KPNA1: variants seen among roughly 807,000 people sequenced by gnomAD.
The protein encoded by KPNA1 is importin subunit alpha-5.
A neutral mutation model predicts 70.5 loss-of-function variants in KPNA1; 10 were observed. That is an observed-to-expected ratio of 0.14 (90% CI 0.09 to 0.24). KPNA1 has a LOEUF of 0.24. Among genes scored for constraint, KPNA1 ranks in the 10% least tolerant of loss-of-function variants. KPNA1 has a pLI of 1.00. For synonymous variants in KPNA1, 192 were observed against 221.9 expected, an observed-to-expected ratio of 0.87 and a Z score of 1.20; for missense variants, 397 against 637.9, an observed-to-expected ratio of 0.62 and a Z score of 4.07.
chr3:122,490,459 C>T (rs929068037), intron 2 of KPNA1, among the ~76,000 whole-genome samples: 2 of 152,178 alleles, frequency 1.3e-5, no homozygotes, highest in African/African-American at 4.8e-5. Flanking sequence ...AAGGTAAATC[C>T]TGGTCCTAAT....
chr3:122,444,382 G>A (rs4677953), intron 9 of KPNA1, among the ~76,000 whole-genome samples: 24 of 152,316 alleles, frequency 1.6e-4, no homozygotes, highest in Admixed American at 2.6e-4. Flanking sequence ...AGGATTAAGA[G>A]ATTAAAGACA....
At chr3:122,497,285 T>A (rs538867973) in intron 1 of KPNA1, among the ~76,000 whole-genome samples, 6 of 152,344 alleles carry the variant, frequency 3.9e-5, no homozygotes, top group Admixed American at 3.3e-4. Flanking sequence ...TATGGCTGAA[T>A]AATATTCCAT....
intron 2 of KPNA1, among the ~76,000 whole-genome samples, chr3:122,491,039 T>C (rs917731045): frequency 2.0e-5 from 3 of 152,244 alleles, no homozygotes; most frequent in Admixed American, 2.0e-4. Context: ...AGGAAATTAG[T>C]CAAATTACCA....
Position 122,452,033 on chromosome 3 carries a change from T to C in KPNA1, c.596A>G (p.Asp199Gly). 1 of 1,612,536 alleles carries C rather than the reference T, an allele frequency of 6.2e-7. No individual in the cohort carries two copies. Among genetic ancestry groups the C allele is most frequent in the Non-Finnish European group, 8.5e-7 (1 of 1,178,942 alleles). The stretch of plus-strand genomic sequence containing the variant: ...GACATAGTCCCTGCACATGGTACTA[T>C]CTCCAGCAATGTTGCCAAGAGCCCA... ...AVWALGNIAG[D>G]STMCRDYVLD... The change falls in exon 7 of 14, where the codon GAT becomes GGT. Residue 199 changes from aspartate (D) to glycine (G), a missense_variant. Asp to Gly is a moderately conservative substitution (Grantham distance 94). Coordinates refer to ENST00000344337, the MANE Select transcript of KPNA1 (RefSeq NM_002264.4).
rs1387722163 is a variant in KPNA1, at chr3:122,426,098, T to A, written c.*887A>T. 1.3e-5 allele frequency: 2 copies of A among 151,798 alleles called. No individual in the cohort carries two copies. Among genetic ancestry groups the A allele is most frequent in the Admixed American group, 6.6e-5 (1 of 15,198 alleles). The allele number at this position is 151,798 out of a possible 1,614,324, so 9.4% of individuals were successfully genotyped here. A position where few individuals can be genotyped will look rare whatever the true frequency, so the allele number is the denominator to read the frequency against. On this transcript the variant is annotated 3_prime_UTR_variant, in exon 14 of 14. Transcript: ENST00000344337. The stretch of plus-strand genomic sequence containing the variant: ...GATTGCATTTGGGAAAATTGGAGGG[T>A]TTTTTCGTCCTTAGTTTTTTTTATT...
At chr3:122,475,126 A>G (rs2076482970) in intron 2 of KPNA1, among the ~76,000 whole-genome samples, 1 of 152,202 alleles carries the variant, frequency 6.6e-6, no homozygotes, top group African/African-American at 2.4e-5. Context: ...CCGCCAATAA[A>G]CTGTTAGAAA....
chr3:122,470,224 A>G (rs1404629658), intron 2 of KPNA1, among the ~76,000 whole-genome samples: 2 of 152,216 alleles, frequency 1.3e-5, no homozygotes, highest in East Asian at 1.9e-4. Flanking sequence ...TATAAGCTAA[A>G]TAAGTAGGCG....
Position 122,493,310 on chromosome 3 carries a change from C to T in KPNA1, c.129+3127G>A, listed in dbSNP as rs147837801. Among the ~76,000 whole-genome samples, 595 of 151,544 alleles carry T rather than the reference C, an allele frequency of 3.9e-3. 4 individuals are homozygous for T. The highest frequency in any genetic ancestry group is 0.014 in the African/African-American group (570 of 41,278). On this transcript the variant is annotated intron_variant, in intron 2 of 13. Coordinates refer to ENST00000344337, the MANE Select transcript of KPNA1 (RefSeq NM_002264.4). ...AATAGTAGAATCAGGCCTTCCCATC[C>T]TTTTAGTCTCAGAAATACTACCCCA...
intron 2 of KPNA1, among the ~76,000 whole-genome samples, chr3:122,491,517 AACTAATACT>A (rs1278353593): frequency 6.6e-6 from 1 of 152,246 alleles, no homozygotes; most frequent in African/African-American, 2.4e-5. Flanking sequence ...ACAAACATGC[AACTAATACT>A]ACTAGCCAAA....
In KPNA1 at chr3:122,457,103, C is replaced by T. The variant is rs369820892; in HGVS notation, c.433-3102G>A. Among the ~76,000 whole-genome samples the T allele has an allele frequency of 1.7e-4, 21 of 121,884 alleles. No individual in the cohort carries two copies. The East Asian group carries it at 4.2e-3, about 24-fold the overall frequency. The allele number at this position is 121,884 out of a possible 152,430, so 80.0% of individuals were successfully genotyped here. A position where few individuals can be genotyped will look rare whatever the true frequency, so the allele number is the denominator to read the frequency against. ...CCTCTGTTAATGTTAGAAGAAGTAA[C>T]TGTTAAACGTATTTATGTTTTTAAA... is the stretch of plus-strand genomic sequence containing the variant. On this transcript the variant is annotated intron_variant, in intron 5 of 13. Coordinates refer to ENST00000344337, the MANE Select transcript of KPNA1 (RefSeq NM_002264.4).
intron 9 of KPNA1, 81 bp downstream of exon 9, chr3:122,449,493 C>T (rs1390843399): frequency 3.0e-5 from 33 of 1,089,560 alleles, no homozygotes; most frequent in Non-Finnish European, 4.4e-5. Context: ...CATGTACAAT[C>T]CATTAATATT....
intron 12 of KPNA1, among the ~76,000 whole-genome samples, chr3:122,431,246 A>G (rs1292094439): frequency 2.0e-5 from 3 of 151,984 alleles, no homozygotes; most frequent in African/African-American, 7.3e-5. Context: ...ACTGCAACCA[A>G]CCTCTGCCTC....
intron 9 of KPNA1, among the ~76,000 whole-genome samples, chr3:122,446,976 G>A (rs2076147054): frequency 6.6e-6 from 1 of 152,178 alleles, no homozygotes. Context: ...CCAGGAAGAA[G>A]TTGAATCCTT....
At position 122,429,924 on chromosome 3, in the gene KPNA1, C is replaced by G. The variant is rs2075878300; in HGVS notation, c.1251-2208G>C. The stretch of plus-strand genomic sequence containing the variant: ...GATGGTATCCTAGATGCCATTTAGG[C>G]TTTCTTTTTTAATTATTTTTTTCAT... On this transcript the variant is annotated intron_variant, in intron 12 of 13. Transcript: ENST00000344337. 2.6e-5 allele frequency among the ~76,000 whole-genome samples: 4 copies of G among 151,948 alleles called. No homozygotes were observed. The South Asian group carries it at 8.3e-4, about 32-fold the overall frequency.
At chr3:122,489,465 T>C (rs1244578209) in intron 2 of KPNA1, among the ~76,000 whole-genome samples, 1 of 151,836 alleles carries the variant, frequency 6.6e-6, no homozygotes, top group Non-Finnish European at 1.5e-5. Flanking sequence ...TTTTTATTTA[T>C]TTATCTTTTG....
chr3:122,514,263 G>GT (rs1553709846), intron 1 of KPNA1, among the ~76,000 whole-genome samples: 1 of 151,986 alleles, frequency 6.6e-6, no homozygotes, highest in Non-Finnish European at 1.5e-5. Context: ...GACCCGGTCT[G>GT]TAACTTGTGA....
At chr3:122,458,124 G>A (rs540389280) in intron 5 of KPNA1, among the ~76,000 whole-genome samples, 20 of 152,218 alleles carry the variant, frequency 1.3e-4, no homozygotes, top group African/African-American at 4.8e-4. Context: ...GAAATAGAAG[G>A]CAATATATTT....
In KPNA1 at chr3:122,424,225, AAG is replaced by A. The variant is rs1409871792; in HGVS notation, c.*2758_*2759del. 8 of 152,330 alleles carry A rather than the reference AAG, an allele frequency of 5.3e-5. No individual in the cohort carries two copies. Among genetic ancestry groups the A allele is most frequent in the African/African-American group, 1.7e-4 (7 of 41,578 alleles). 9.4% of individuals were successfully genotyped at this position (152,330 alleles called of 1,614,324 possible). A position where few individuals can be genotyped will look rare whatever the true frequency, so the allele number is the denominator to read the frequency against. On this transcript the variant is annotated 3_prime_UTR_variant, in exon 14 of 14. Coordinates refer to ENST00000344337, the MANE Select transcript of KPNA1 (RefSeq NM_002264.4). ...CCCCAATCCATATATAAAACTACAA[AAG>A]AGTTTTCCTGTATTGAAATTAACAT...
chr3:122,506,484 A>C (rs2076891836), intron 1 of KPNA1, among the ~76,000 whole-genome samples: 1 of 152,230 alleles, frequency 6.6e-6, no homozygotes, highest in African/African-American at 2.4e-5. Context: ...AGAAAAGAAA[A>C]TTAAAATTTG....
Sources: gnomAD v4.1 joint callset for allele counts (sites outside exome capture counted in the v4.1 genomes callset) on GRCh38, gnomAD v4.1.1 for gene constraint, MANE v1.5 for transcripts, NCBI Gene and HGNC (gene_info 2026-07-23, HGNC 2026-07-21) for gene names.